The following ARAP2 variants were observed in gnomAD, a reference collection of about 807,000 sequenced individuals.
The protein encoded by ARAP2 is arf-GAP with Rho-GAP domain, ANK repeat and PH domain-containing protein 2.
A neutral mutation model predicts 194.5 loss-of-function variants in ARAP2; 148 were observed. The ratio of observed to expected loss-of-function variants is 0.76; its 90% confidence interval spans 0.67 to 0.87. The LOEUF is 0.87. Ranked by LOEUF, ARAP2 falls within the 40% of genes least tolerant of loss-of-function variation. The pLI, the probability that ARAP2 is intolerant of heterozygous loss-of-function variation, is 0.00. For synonymous variants in ARAP2, 695 were observed against 683.5 expected (o/e 1.02, Z -0.26); for missense variants, 2,128 against 1,989.7 (o/e 1.07, Z -1.32).
Position 36,080,280 on chromosome 4 carries a change from C to G in ARAP2, c.4545-1G>C. ...TCGTGAACTATCACAACACAGGTGC[C>G]TGCAAAACGAGGTTTATAAACTATG... On this transcript the variant is annotated splice_acceptor_variant, in intron 30 of 32. Coordinates refer to ENST00000303965, the MANE Select transcript of ARAP2 (RefSeq NM_015230.4). LOFTEE classifies it high-confidence loss of function. The G allele has an allele frequency of 6.2e-7, 1 of 1,611,912 alleles. No individual in the cohort carries two copies. The highest frequency in any genetic ancestry group is 8.5e-7 in the Non-Finnish European group (1 of 1,178,440).
At chr4:36,168,929 T>G (rs1316036582) in intron 9 of ARAP2, among the ~76,000 whole-genome samples, 2 of 152,238 alleles carry the variant, frequency 1.3e-5, no homozygotes, top group Non-Finnish European at 2.9e-5. Flanking sequence ...TTAATAAGTT[T>G]CAGCCTATTG....
intron 6 of ARAP2, among the ~76,000 whole-genome samples, chr4:36,198,831 C>A (rs1011552708): frequency 2.6e-5 from 4 of 152,218 alleles, no homozygotes; most frequent in Non-Finnish European, 5.9e-5. Context: ...GCTCTGCAGC[C>A]CTGACTTGGG....
chr4:36,172,822 G>T (rs1248044694), intron 9 of ARAP2, among the ~76,000 whole-genome samples: 1 of 152,162 alleles, frequency 6.6e-6, no homozygotes, highest in Non-Finnish European at 1.5e-5. Context: ...ATTGGCACCA[G>T]CTTTCCTGGG....
intron 5 of ARAP2, among the ~76,000 whole-genome samples, chr4:36,043,040 T>C (rs916502144): frequency 6.6e-6 from 1 of 151,912 alleles, no homozygotes; most frequent in Non-Finnish European, 1.5e-5. Context: ...ACAAGGTTTC[T>C]CCATGTTGGC....
Position 36,121,330 on chromosome 4 carries a change from T to A in ARAP2, c.3747-4A>T. The A allele has an allele frequency of 1.9e-6, 3 of 1,579,708 alleles. No homozygotes were observed. The highest frequency in any genetic ancestry group is 2.6e-6 in the Non-Finnish European group (3 of 1,162,728). ...GATTTCTGAGCATTTCTGAACCCTG[T>A]CAGAGAAAAGCATAGTTTATTATGA... On this transcript the variant is annotated splice_polypyrimidine_tract_variant and splice_region_variant and intron_variant, in intron 22 of 32. Coordinates refer to ENST00000303965, the MANE Select transcript of ARAP2 (RefSeq NM_015230.4).
At chr4:36,112,726 AG>A (rs1255612931) in intron 26 of ARAP2, among the ~76,000 whole-genome samples, 3 of 151,848 alleles carry the variant, frequency 2.0e-5, no homozygotes, top group Admixed American at 6.6e-5. Flanking sequence ...CTACTTTCCA[AG>A]GAACTCCCAT....
At chr4:36,165,190 C>T in intron 10 of ARAP2, 77 bp from the exon 11 acceptor site, 1 of 1,385,450 alleles carries the variant, frequency 7.2e-7, no homozygotes, top group South Asian at 1.2e-5. Context: ...TTTGCATATT[C>T]ATTTCACTCA....
rs186009135 is a variant in ARAP2 at position 36,053,403 on chromosome 4, T to G, written n.322-1350A>C. 3.9e-5 allele frequency among the ~76,000 whole-genome samples: 6 copies of G among 152,300 alleles called. No homozygotes were observed. The East Asian group carries it at 1.2e-3, about 29-fold the overall frequency. ...AACTGTTGCTAAATACATGCACCTG[T>G]GTAGCCTAAACTTCTACCAAAATAT... On this transcript the variant is annotated intron_variant and non_coding_transcript_variant, in intron 2 of 12. Coordinates refer to the ARAP2 transcript ENST00000503225.
intron 22 of ARAP2, among the ~76,000 whole-genome samples, chr4:36,122,670 G>A (rs1268178277): frequency 2.0e-5 from 3 of 151,604 alleles, no homozygotes; most frequent in Non-Finnish European, 4.4e-5. Context: ...CTTAATACCC[G>A]GATGAGGAAA....
intron 9 of ARAP2, among the ~76,000 whole-genome samples, chr4:36,009,395 T>C (rs909119598): frequency 1.3e-5 from 2 of 152,048 alleles, no homozygotes; most frequent in Admixed American, 6.6e-5. Flanking sequence ...CACCAACATA[T>C]AGGCAAACTA....
intron 2 of ARAP2, among the ~76,000 whole-genome samples, chr4:36,224,835 T>C (rs1420442625): frequency 1.3e-5 from 2 of 152,190 alleles, no homozygotes; most frequent in Non-Finnish European, 2.9e-5. Flanking sequence ...AGTATTTTTC[T>C]ACTATAACGT....
chr4:36,185,303 C>T (rs1422205505), intron 8 of ARAP2, among the ~76,000 whole-genome samples: 2 of 152,134 alleles, frequency 1.3e-5, no homozygotes, highest in Non-Finnish European at 2.9e-5. Flanking sequence ...ACACTATGTA[C>T]ATAGATAGGT....
rs779205453 is a variant in ARAP2, at chr4:36,212,457, G to A, written c.1072C>T (p.Gln358Ter). 9.7e-5 allele frequency: 157 copies of A among 1,611,888 alleles called. No homozygotes were observed. Among genetic ancestry groups the A allele is most frequent in the Non-Finnish European group, 1.3e-4 (154 of 1,178,560 alleles). Residue 358 changes from glutamine (Q) to a stop codon, truncating the protein, a stop_gained, in exon 5 of 33, where the codon CAG becomes TAG. Coordinates refer to ENST00000303965, the MANE Select transcript of ARAP2 (RefSeq NM_015230.4). LOFTEE classifies it high-confidence loss of function. ...KRSIKNEFLT[Q>*]GEALKGEAAT... ...GCTTCCCCTTTGAGTGCTTCTCCCT[G>A]GGTCAAAAATTCATTCTTTATAGAT...
intron 6 of ARAP2, among the ~76,000 whole-genome samples, chr4:36,201,375 A>G (rs1425541193): frequency 6.6e-6 from 1 of 152,166 alleles, no homozygotes; most frequent in Admixed American, 6.5e-5. Context: ...ATAACATTTG[A>G]CCTCTACATT....
rs551564511 is a variant in ARAP2 at position 36,137,834 on chromosome 4, G to A, written c.3264-4445C>T. Among the ~76,000 whole-genome samples the A allele has an allele frequency of 3.3e-5, 5 of 151,824 alleles. No individual in the cohort carries two copies. The East Asian group carries it at 5.9e-4, about 18-fold the overall frequency. On this transcript the variant is annotated intron_variant, in intron 19 of 32. Transcript: ENST00000303965. ...GAGTCCAAAAATACTTATTCCAGAA[G>A]TGAAATGCTGATGTGTATTTCTGTT...
rs1417216279 is a variant in ARAP2, at chr4:36,014,064, CA to C, written n.1057-1234del. Reference sequence around the variant, plus strand: ...CAACATGGTGAAACCCCATCTCCACCAAAACTACAAAAAATGAGCTGAGCAT... The same window carrying C: ...CAACATGGTGAAACCCCATCTCCACCAAACTACAAAAAATGAGCTGAGCAT... On this transcript the variant is annotated intron_variant and non_coding_transcript_variant, in intron 8 of 12. Coordinates refer to the ARAP2 transcript ENST00000503225. Among the ~76,000 whole-genome samples the C allele has an allele frequency of 9.9e-5, 15 of 151,400 alleles. No individual in the cohort carries two copies. The East Asian group carries it at 2.9e-3, about 30-fold the overall frequency.
chr4:36,062,388 T>A (rs962315653), downstream of ARAP2, among the ~76,000 whole-genome samples: 2 of 152,176 alleles, frequency 1.3e-5, no homozygotes, highest in East Asian at 3.9e-4. Context: ...TTTTGGTTCA[T>A]ATGAAGTTTG....
chr4:36,126,762 T>C (rs905254117), intron 21 of ARAP2, among the ~76,000 whole-genome samples: 2 of 152,018 alleles, frequency 1.3e-5, no homozygotes, highest in African/African-American at 4.8e-5. Flanking sequence ...GACTACCTTG[T>C]TCTGGTAGAC....
chr4:36,114,264 T>G lies in ARAP2; in HGVS notation c.4062A>C (p.Glu1354Asp). 1.3e-6 allele frequency: 2 copies of G among 1,590,178 alleles called. No individual in the cohort carries two copies. The highest frequency in any genetic ancestry group is 4.5e-5 in the East Asian group (2 of 44,410). Reference sequence around the variant, plus strand: ...TCGCTAATATATCATTAGTTAATTCTTCTGCTTCCATCACAGGAGATATCT... The same window carrying G: ...TCGCTAATATATCATTAGTTAATTCGTCTGCTTCCATCACAGGAGATATCT... Reference protein sequence around the residue: ...IIRISPVMEAEELTNDILAIK... With the variant: ...IIRISPVMEADELTNDILAIK... Residue 1354 changes from glutamate to aspartate, a missense_variant, in exon 26 of 33, where the codon GAA becomes GAC. Physicochemically the swap from Glu to Asp is conservative, Grantham distance 45 (BLOSUM62 2). Coordinates refer to ENST00000303965, the MANE Select transcript of ARAP2 (RefSeq NM_015230.4).
Sources: gnomAD v4.1 joint callset for allele counts (sites outside exome capture counted in the v4.1 genomes callset) on GRCh38, gnomAD v4.1.1 for gene constraint, MANE v1.5 for transcripts, NCBI Gene and HGNC (gene_info 2026-07-23, HGNC 2026-07-21) for gene names.